Variants in UGGT2 observed in about 807,000 individuals in gnomAD.
UGGT2 encodes the protein UDP-glucose glycoprotein glucosyltransferase 2, also known as UDP-glucose:glycoprotein glucosyltransferase 2.
A neutral mutation model predicts 192.1 loss-of-function variants in UGGT2; 180 were observed. That is an observed-to-expected ratio of 0.94 (90% CI 0.83 to 1.06). The LOEUF is 1.06. UGGT2 is among the 50% of genes least tolerant of loss of function. The pLI is 0.00. For synonymous variants in UGGT2, 580 were observed against 591.0 expected, an observed-to-expected ratio of 0.98 and a Z score of 0.27; for missense variants, 1,849 against 1,795.7, an observed-to-expected ratio of 1.03 and a Z score of -0.54.
intron 29 of UGGT2, among the ~76,000 whole-genome samples, chr13:95,871,708 C>T (rs1227691955): frequency 6.6e-6 from 1 of 152,160 alleles, no homozygotes; most frequent in African/African-American, 2.4e-5. Flanking sequence ...AGATCAGATG[C>T]AGCCAAGAAG....
At chr13:96,050,468 A>C (rs2053452116) in intron 1 of UGGT2, among the ~76,000 whole-genome samples, 1 of 152,360 alleles carries the variant, frequency 6.6e-6, no homozygotes, top group South Asian at 2.1e-4. Context: ...ACAAAAGCCA[A>C]AACTGACAAA....
intron 16 of UGGT2, among the ~76,000 whole-genome samples, chr13:95,938,885 A>G (rs2049560708): frequency 6.6e-6 from 1 of 151,924 alleles, no homozygotes; most frequent in Non-Finnish European, 1.5e-5. Context: ...TCCATCTCAC[A>G]TCTCTCACCT....
chr13:95,846,443 G>A (rs965141750), intron 36 of UGGT2, among the ~76,000 whole-genome samples: 3 of 151,940 alleles, frequency 2.0e-5, no homozygotes, highest in Non-Finnish European at 4.4e-5. Context: ...GGGGGGAGGA[G>A]GGAGAGGTCC....
intron 12 of UGGT2, among the ~76,000 whole-genome samples, chr13:95,962,084 G>C (rs1319785264): frequency 1.3e-5 from 2 of 152,076 alleles, no homozygotes; most frequent in Admixed American, 6.5e-5. Flanking sequence ...TATAGCAAAA[G>C]CAGTGCCAAT....
intron 20 of UGGT2, among the ~76,000 whole-genome samples, chr13:95,924,922 A>G (rs933875085): frequency 8.5e-5 from 13 of 152,204 alleles, no homozygotes; most frequent in Admixed American, 5.9e-4. Flanking sequence ...ATATAGCCTT[A>G]TAAGAGAATC....
chr13:95,895,094 A>G, intron 23 of UGGT2, 86 bp downstream of exon 23: 1 of 1,345,726 alleles, frequency 7.4e-7, no homozygotes. Context: ...ACTTGTCTAT[A>G]TATTTGAAAC....
intron 1 of UGGT2, among the ~76,000 whole-genome samples, chr13:96,036,604 C>T (rs1338900887): frequency 1.3e-5 from 2 of 152,092 alleles, no homozygotes; most frequent in Admixed American, 1.3e-4. Flanking sequence ...GTTATTCCCT[C>T]AATACATCAC....
intron 36 of UGGT2, among the ~76,000 whole-genome samples, chr13:95,848,133 T>C (rs1038809263): frequency 2.0e-5 from 3 of 152,240 alleles, no homozygotes; most frequent in Non-Finnish European, 4.4e-5. Context: ...AGGTCTTTGA[T>C]CCATTTCTAA....
At chr13:95,863,255 C>T (rs1239670933) in intron 31 of UGGT2, among the ~76,000 whole-genome samples, 1 of 152,146 alleles carries the variant, frequency 6.6e-6, no homozygotes, top group African/African-American at 2.4e-5. Flanking sequence ...AGCTAGGCTA[C>T]TTTCTTTTCT....
intron 20 of UGGT2, among the ~76,000 whole-genome samples, chr13:95,912,171 G>T (rs533509646): frequency 6.0e-4 from 90 of 151,160 alleles, no homozygotes; most frequent in South Asian, 3.1e-3. Context: ...CTTTGAAAAC[G>T]GGCACAAGAC....
intron 38 of UGGT2, among the ~76,000 whole-genome samples, chr13:95,816,956 C>T (rs868150903): frequency 5.3e-5 from 8 of 151,916 alleles, no homozygotes; most frequent in Middle Eastern, 6.9e-3. Context: ...GCGAAACCCC[C>T]TCTCTACTAA....
chr13:96,033,381 CTGAGTTGGT>C (rs1461943835), intron 1 of UGGT2, among the ~76,000 whole-genome samples: 1 of 152,098 alleles, frequency 6.6e-6, no homozygotes, highest in African/African-American at 2.4e-5. Flanking sequence ...CCACCCACTT[CTGAGTTGGT>C]AGGGTGGAGG....
At chr13:95,909,518 C>T (rs1029710484) in intron 20 of UGGT2, among the ~76,000 whole-genome samples, 11 of 142,956 alleles carry the variant, frequency 7.7e-5, no homozygotes, top group African/African-American at 1.8e-4. Context: ...AAACAAACAC[C>T]GCATATTCTC....
At chr13:95,829,033 G>A (rs997730074) in intron 38 of UGGT2, among the ~76,000 whole-genome samples, 4 of 152,056 alleles carry the variant, frequency 2.6e-5, no homozygotes, top group African/African-American at 7.2e-5. Context: ...ATCAATAAAC[G>A]TAATCCAGCA....
chr13:95,979,163 G>A (rs1288469823), intron 10 of UGGT2, among the ~76,000 whole-genome samples: 4 of 152,062 alleles, frequency 2.6e-5, no homozygotes, highest in Non-Finnish European at 4.4e-5. Context: ...CAACAAAGAC[G>A]TATGTTGGGT....
intron 4 of UGGT2, among the ~76,000 whole-genome samples, chr13:96,018,670 G>C (rs1246381009): frequency 6.6e-6 from 1 of 150,428 alleles, no homozygotes; most frequent in South Asian, 2.1e-4. Flanking sequence ...AGAATTTTAC[G>C]AAATTGGGAC....
At chr13:95,824,932 T>G (rs1285604577) in intron 38 of UGGT2, among the ~76,000 whole-genome samples, 3 of 152,172 alleles carry the variant, frequency 2.0e-5, no homozygotes, top group Non-Finnish European at 4.4e-5. Context: ...TATTTTTTAT[T>G]TGACAGCATT....
chr13:96,053,356 A>T lies in UGGT2; in HGVS notation c.-44T>A. 6.4e-7 allele frequency: 1 copy of T among 1,556,426 alleles called. No homozygotes were observed. On this transcript the variant is annotated 5_prime_UTR_variant, in exon 1 of 39. Coordinates refer to ENST00000376747, the MANE Select transcript of UGGT2 (RefSeq NM_020121.4). The stretch of plus-strand genomic sequence containing the variant: ...CGAGTCCCTCGGACCCGGTACCCAC[A>T]GTCTGTGGCCGCCACGCTTCGGCCG...
At chr13:95,927,629 T>G (rs1033910813) in intron 17 of UGGT2, among the ~76,000 whole-genome samples, 10 of 152,142 alleles carry the variant, frequency 6.6e-5, no homozygotes, top group Non-Finnish European at 1.5e-4. Flanking sequence ...CACTGAATTT[T>G]TTTGTTTGTT....
Sources: allele counts gnomAD v4.1 joint callset (sites outside exome capture counted in the v4.1 genomes callset), GRCh38; gene constraint gnomAD v4.1.1; transcripts MANE v1.5; gene names NCBI Gene and HGNC (gene_info 2026-07-23, HGNC 2026-07-21).